Variants in DPYD observed in about 807,000 individuals in gnomAD.
The protein encoded by DPYD is dihydropyrimidine dehydrogenase, also known as dihydropyrimidine dehydrogenase [NADP(+)].
A neutral mutation model predicts 116.2 loss-of-function variants in DPYD; 109 were observed. That is an observed-to-expected ratio of 0.94 (90% CI 0.80 to 1.10). DPYD has a LOEUF of 1.10. Ranked by LOEUF, DPYD falls within the 50% of genes least tolerant of loss-of-function variation. The probability of loss-of-function intolerance (pLI) is 0.00; values close to 1 mark genes in which losing one functional copy is unlikely to be tolerated. For synonymous variants in DPYD, 440 were observed against 432.0 expected (o/e 1.02, Z -0.23); for missense variants, 1,302 against 1,254.5 (o/e 1.04, Z -0.57).
intron 2 of DPYD, among the ~76,000 whole-genome samples, chr1:97,842,026 C>T (rs1670064793): frequency 6.6e-6 from 1 of 151,590 alleles, no homozygotes; most frequent in African/African-American, 2.4e-5. Context: ...ATAGATATTG[C>T]CTTTTGTGGG....
intron 20 of DPYD, among the ~76,000 whole-genome samples, chr1:97,192,023 C>G (rs1658408915): frequency 1.3e-5 from 2 of 152,056 alleles, no homozygotes; most frequent in African/African-American, 4.8e-5. Context: ...TGACATTTTC[C>G]TGGAACCCAC....
intron 20 of DPYD, among the ~76,000 whole-genome samples, chr1:97,175,734 C>T (rs1319653513): frequency 1.3e-5 from 2 of 152,152 alleles, no homozygotes; most frequent in Non-Finnish European, 2.9e-5. Flanking sequence ...TAATGCATAC[C>T]TCTTAGTCCA....
At chr1:97,679,746 A>G (rs538217307) in intron 7 of DPYD, among the ~76,000 whole-genome samples, 40 of 152,236 alleles carry the variant, frequency 2.6e-4, no homozygotes, top group Admixed American at 4.6e-4. Flanking sequence ...AGCAGAGGGT[A>G]GTCACCCCTA....
At chr1:97,211,525 T>C (rs960001949) in intron 19 of DPYD, among the ~76,000 whole-genome samples, 1 of 152,174 alleles carries the variant, frequency 6.6e-6, no homozygotes, top group Non-Finnish European at 1.5e-5. Flanking sequence ...ATGAACCTTA[T>C]GACTGAGTTT....
chr1:97,713,377 CAA>C (rs578072015), intron 5 of DPYD, among the ~76,000 whole-genome samples: 99 of 152,122 alleles, frequency 6.5e-4, no homozygotes, highest in African/African-American at 2.1e-3. Context: ...CGTTAAATTT[CAA>C]AGTTATTGCC....
At chr1:97,175,985 G>C (rs1219810113) in intron 20 of DPYD, among the ~76,000 whole-genome samples, 1 of 152,134 alleles carries the variant, frequency 6.6e-6, no homozygotes, top group East Asian at 1.9e-4. Flanking sequence ...CCCTGTACTT[G>C]ACTTTTAGCT....
chr1:97,764,718 T>C (rs1173669849), intron 3 of DPYD, among the ~76,000 whole-genome samples: 2 of 152,096 alleles, frequency 1.3e-5, no homozygotes, highest in East Asian at 1.9e-4. Context: ...TGATCTGAAA[T>C]GCTGATTTAT....
intron 8 of DPYD, among the ~76,000 whole-genome samples, chr1:97,637,743 T>C (rs1488067091): frequency 1.3e-5 from 2 of 152,182 alleles, no homozygotes; most frequent in Non-Finnish European, 2.9e-5. Context: ...ATGCCTACTC[T>C]GCTTTCTAAT....
chr1:97,241,870 A>T (rs1662357917), intron 18 of DPYD, among the ~76,000 whole-genome samples: 1 of 151,752 alleles, frequency 6.6e-6, no homozygotes, highest in Non-Finnish European at 1.5e-5. Flanking sequence ...TTAGTGTCAA[A>T]GCCAGAGAAA....
At chr1:97,510,082 T>C (rs776924710) in intron 13 of DPYD, among the ~76,000 whole-genome samples, 49 of 151,786 alleles carry the variant, frequency 3.2e-4, no homozygotes, top group Non-Finnish European at 6.6e-4. Flanking sequence ...GGGGCCATCA[T>C]TAGCCATTTA....
chr1:97,805,656 T>C (rs1399317167), intron 3 of DPYD, among the ~76,000 whole-genome samples: 1 of 151,746 alleles, frequency 6.6e-6, no homozygotes, highest in Non-Finnish European at 1.5e-5. Context: ...CACAACACCA[T>C]ATTTTTTAGA....
chr1:97,127,788 C>T (rs1336640653), intron 20 of DPYD, among the ~76,000 whole-genome samples: 5 of 152,156 alleles, frequency 3.3e-5, no homozygotes, highest in Admixed American at 3.3e-4. Flanking sequence ...CCTTGTCTTA[C>T]AGCTCCTGTA....
Position 97,269,046 on chromosome 1 carries a change from T to C in DPYD, c.2300-34052A>G, listed in dbSNP as rs188403969. ...AGCTGCCACCATATAGCACCTTGAA[T>C]GCTTTGTTGCTTAGATATTTATCCT... is the stretch of plus-strand genomic sequence containing the variant. On this transcript the variant is annotated intron_variant, in intron 18 of 22. Transcript: ENST00000370192. Among the ~76,000 whole-genome samples, 168 of 152,320 alleles carry C rather than the reference T, an allele frequency of 1.1e-3. 1 individual carries two copies. The highest frequency in any genetic ancestry group is 3.7e-3 in the African/African-American group (152 of 41,576).
intron 1 of DPYD, among the ~76,000 whole-genome samples, chr1:97,914,848 A>G (rs1249979128): frequency 6.6e-6 from 1 of 152,178 alleles, no homozygotes; most frequent in Non-Finnish European, 1.5e-5. Context: ...CACAATAGAT[A>G]TATGCAACAT....
intron 2 of DPYD, among the ~76,000 whole-genome samples, chr1:97,857,283 A>G (rs1670888883): frequency 1.3e-5 from 2 of 152,168 alleles, no homozygotes; most frequent in Admixed American, 6.5e-5. Context: ...ATCTTCCTCC[A>G]TGTTTCCTGG....
chr1:97,078,373 A>C lies in DPYD; in HGVS notation c.*603T>G, dbSNP rs1648928563. 5.9e-6 allele frequency: 1 copy of C among 170,270 alleles called. No individual in the cohort carries two copies. The allele number at this position is 170,270 out of a possible 1,614,324, so 10.5% of individuals were successfully genotyped here. A position where few individuals can be genotyped will look rare whatever the true frequency, so the allele number is the denominator to read the frequency against. On this transcript the variant is annotated 3_prime_UTR_variant, in exon 23 of 23. Coordinates refer to ENST00000370192, the MANE Select transcript of DPYD (RefSeq NM_000110.4). ...CTCCCTATCCTCTATCCAACACCAA[A>C]AATAAGCAATTTCAGCGAAGGGGAT...
intron 13 of DPYD, among the ~76,000 whole-genome samples, chr1:97,479,635 A>G (rs1436548309): frequency 6.6e-6 from 1 of 152,248 alleles, no homozygotes; most frequent in Non-Finnish European, 1.5e-5. Flanking sequence ...GCTATTAAAA[A>G]GAATGACATC....
At position 97,523,081 on chromosome 1, in the gene DPYD, G is replaced by A. The variant is rs559751813; in HGVS notation, c.1525-7140C>T. On this transcript the variant is annotated intron_variant, in intron 12 of 22. Coordinates refer to ENST00000370192, the MANE Select transcript of DPYD (RefSeq NM_000110.4). ...AAAGCAAGAATCATTTTATAACCTGGACATCACCATGACCTCTTTGATTGT... is the reference window on the plus strand; with the variant it reads ...AAAGCAAGAATCATTTTATAACCTGAACATCACCATGACCTCTTTGATTGT... Among the ~76,000 whole-genome samples, 3 of 152,072 alleles carry A rather than the reference G, an allele frequency of 2.0e-5. No homozygotes were observed. In the East Asian group the frequency reaches 5.8e-4, roughly 29 times the overall value.
chr1:97,228,523 A>T (rs1031216079), intron 19 of DPYD, among the ~76,000 whole-genome samples: 13 of 152,186 alleles, frequency 8.5e-5, no homozygotes, highest in African/African-American at 3.1e-4. Flanking sequence ...GCACTCACTT[A>T]TCTACATAGT....
Sources: gnomAD v4.1 joint callset for allele counts (sites outside exome capture counted in the v4.1 genomes callset) on GRCh38, gnomAD v4.1.1 for gene constraint, MANE v1.5 for transcripts, NCBI Gene and HGNC (gene_info 2026-07-23, HGNC 2026-07-21) for gene names.